PMEPA1: variants seen among roughly 807,000 people sequenced by gnomAD.
PMEPA1 encodes the protein protein TMEPAI.
Under a neutral mutation model 23.0 loss-of-function variants are expected in PMEPA1, and 11 were observed. The ratio of observed to expected loss-of-function variants is 0.48; its 90% CI spans 0.30 to 0.79. The LOEUF (loss-of-function observed/expected upper bound fraction) is 0.79, where lower values mean the gene tolerates loss of function less well. Ranked by LOEUF, PMEPA1 falls within the 30% of genes least tolerant of loss-of-function variation. PMEPA1 has a pLI of 0.06. For synonymous variants in PMEPA1, 204 were observed against 166.4 expected (o/e 1.23, Z -1.74); for missense variants, 377 against 390.9 (o/e 0.96, Z 0.30).
At chr20:57,688,545 G>A (rs1174302778) in intron 1 of PMEPA1, among the ~76,000 whole-genome samples, 1 of 152,194 alleles carries the variant, frequency 6.6e-6, no homozygotes, top group African/African-American at 2.4e-5. Context: ...AGAACGGCAG[G>A]CAGCAAGGGC....
chr20:57,666,852 C>T (rs1462353842), intron 1 of PMEPA1, among the ~76,000 whole-genome samples: 1 of 152,232 alleles, frequency 6.6e-6, no homozygotes, highest in African/African-American at 2.4e-5. Flanking sequence ...AAGACTTCAC[C>T]CTGTCTCTGA....
intron 1 of PMEPA1, among the ~76,000 whole-genome samples, chr20:57,663,129 C>A (rs1203663211): frequency 2.6e-5 from 4 of 152,214 alleles, no homozygotes; most frequent in Non-Finnish European, 4.4e-5. Context: ...CCACCAACTC[C>A]CATTGGGTCA....
chr20:57,692,975 T>C (rs889263735), intron 1 of PMEPA1, among the ~76,000 whole-genome samples: 9 of 152,232 alleles, frequency 5.9e-5, no homozygotes, highest in African/African-American at 1.7e-4. Flanking sequence ...AACCGAAACC[T>C]AATCAGAATT....
In PMEPA1 at chr20:57,683,554, C is replaced by CGCGTGT. The variant is rs2071752455; in HGVS notation, c.110-23858_110-23857insACACGC. Among the ~76,000 whole-genome samples, 2 of 106,310 alleles carry CGCGTGT rather than the reference C, an allele frequency of 1.9e-5. No individual in the cohort carries two copies. Among genetic ancestry groups the CGCGTGT allele is most frequent in the African/African-American group, 5.2e-5 (2 of 38,130 alleles). 69.7% of individuals were successfully genotyped at this position (106,310 alleles called of 152,430 possible). On this transcript the variant is annotated intron_variant, in intron 1 of 3. Transcript: ENST00000341744. This position sits in a 1 kb window ranked among gnomAD's most constrained non-coding sequence, Gnocchi z 4.3. ...CGGTGGTGGTGTTCTGGCCTGTGTG[C>CGCGTGT]GTGTGTGTGTGTGTGTGTGTGTGTG...
rs1487833345 is a variant in PMEPA1, at chr20:57,651,850, TTTTC to T, written c.*199_*202del. On this transcript the variant is annotated 3_prime_UTR_variant, in exon 4 of 4. Coordinates refer to ENST00000341744, the MANE Select transcript of PMEPA1 (RefSeq NM_020182.5). ...AAGAAACGTGGTTTTTTTTTTTCTT[TTTTC>T]TTTTTTTTTTTGCAAGCTCTCTTAG... 1.3e-5 allele frequency: 5 copies of T among 378,296 alleles called. No individual in the cohort carries two copies. The highest frequency in any genetic ancestry group is 9.2e-5 in the African/African-American group (4 of 43,618). The allele number at this position is 378,296 out of a possible 1,614,324, so 23.4% of individuals were successfully genotyped here. A position where few individuals can be genotyped will look rare whatever the true frequency, so the allele number is the denominator to read the frequency against.
At chr20:57,702,817 A>C (rs1227867535) in intron 1 of PMEPA1, among the ~76,000 whole-genome samples, 1 of 152,250 alleles carries the variant, frequency 6.6e-6, no homozygotes, top group Non-Finnish European at 1.5e-5. Flanking sequence ...TACCTGGCAC[A>C]TAATAATCTC....
chr20:57,675,637 T>G (rs1223274990), intron 1 of PMEPA1, among the ~76,000 whole-genome samples: 1 of 152,142 alleles, frequency 6.6e-6, no homozygotes. Context: ...GGCCCCTGAA[T>G]GGATTGCCGG....
intron 1 of PMEPA1, among the ~76,000 whole-genome samples, chr20:57,668,297 G>A (rs561634527): frequency 1.3e-5 from 2 of 152,342 alleles, no homozygotes; most frequent in East Asian, 3.9e-4. Flanking sequence ...CATGCAGCTA[G>A]CACCCAGTGG....
chr20:57,690,326 G>A (rs1600664952), intron 1 of PMEPA1: 1 of 861,938 alleles, frequency 1.2e-6, no homozygotes, highest in South Asian at 1.4e-5. Context: ...CCCCACCACT[G>A]CCACCCGCCC....
At chr20:57,707,082 C>T (rs1195422298) in intron 1 of PMEPA1, among the ~76,000 whole-genome samples, 1 of 152,238 alleles carries the variant, frequency 6.6e-6, no homozygotes, top group Non-Finnish European at 1.5e-5. Flanking sequence ...AGGTATCTTA[C>T]AGGATAGGAG....
intron 1 of PMEPA1, among the ~76,000 whole-genome samples, chr20:57,663,972 C>T (rs1200683430): frequency 6.6e-6 from 1 of 152,344 alleles, no homozygotes; most frequent in Middle Eastern, 3.4e-3. Flanking sequence ...GAAGACCACC[C>T]TTGGGCATGG....
chr20:57,672,204 CGT>C (rs2071578149), intron 1 of PMEPA1, among the ~76,000 whole-genome samples: 1 of 152,288 alleles, frequency 6.6e-6, no homozygotes, highest in Non-Finnish European at 1.5e-5. Flanking sequence ...CGCACGCGCA[CGT>C]GTGTGCCTGC....
At chr20:57,668,332 C>T (rs1363629443) in intron 1 of PMEPA1, among the ~76,000 whole-genome samples, 1 of 152,230 alleles carries the variant, frequency 6.6e-6, no homozygotes, top group African/African-American at 2.4e-5. Context: ...CCTCGCATTG[C>T]CATTTGCTGT....
rs6099704 is a variant in PMEPA1 at position 57,650,758 on chromosome 20, A to G, written c.*1295T>C. On this transcript the variant is annotated 3_prime_UTR_variant, in exon 4 of 4. Coordinates refer to ENST00000341744, the MANE Select transcript of PMEPA1 (RefSeq NM_020182.5). ...AGAAACCCAGGCTTGTCACCTTTTC[A>G]TGTTGGGTTGTTTATTGGCCTCTTA... The G allele has an allele frequency of 0.082, 12,260 of 149,296 alleles. 1,103 individuals are homozygous for G. The highest frequency in any genetic ancestry group is 0.23 in the African/African-American group (8,958 of 38,896). The allele number at this position is 149,296 out of a possible 1,614,324, so 9.2% of individuals were successfully genotyped here.
intron 1 of PMEPA1, among the ~76,000 whole-genome samples, chr20:57,686,851 C>A (rs1437551759): frequency 6.6e-6 from 1 of 152,220 alleles, no homozygotes; most frequent in Non-Finnish European, 1.5e-5. Context: ...GGCTTAGGAT[C>A]CCCACCAAAA....
chr20:57,690,966 G>C (rs2071874626), intron 1 of PMEPA1, among the ~76,000 whole-genome samples: 1 of 152,226 alleles, frequency 6.6e-6, no homozygotes, highest in Non-Finnish European at 1.5e-5. Context: ...CCGCTTACAA[G>C]GCTACCAGAG....
chr20:57,700,010 A>G (rs1319482524), intron 1 of PMEPA1: 2 of 470,976 alleles, frequency 4.2e-6, no homozygotes, highest in Non-Finnish European at 8.8e-6. Flanking sequence ...AAATATAAAA[A>G]CACACCTTTT....
chr20:57,670,916 A>AGTGT (rs1471455596), intron 1 of PMEPA1, among the ~76,000 whole-genome samples: 1 of 151,764 alleles, frequency 6.6e-6, no homozygotes, highest in African/African-American at 2.4e-5. Flanking sequence ...CGCCCCCCCA[A>AGTGT]CCCCCAACCA....
At chr20:57,690,143 T>C (rs2071857511) in intron 1 of PMEPA1, among the ~76,000 whole-genome samples, 1 of 152,230 alleles carries the variant, frequency 6.6e-6, no homozygotes, top group African/African-American at 2.4e-5. Flanking sequence ...CTGCCTGGCT[T>C]TCAGCCTGGG....
Sources: gnomAD v4.1 joint callset for allele counts (sites outside exome capture counted in the v4.1 genomes callset) on GRCh38, gnomAD v4.1.1 for gene constraint, Gnocchi (gnomAD v3.1) non-coding constraint, MANE v1.5 for transcripts, NCBI Gene and HGNC (gene_info 2026-07-23, HGNC 2026-07-21) for gene names.